Variants in NAALADL1 observed in about 807,000 individuals in gnomAD.
The protein encoded by NAALADL1 is N-acetylated alpha-linked acidic dipeptidase like 1.
Under a neutral mutation model 82.8 loss-of-function variants are expected in NAALADL1, and 77 were observed. The ratio of observed to expected loss-of-function variants is 0.93; its 90% CI spans 0.77 to 1.12. The LOEUF (loss-of-function observed/expected upper bound fraction) is 1.12, where lower values mean the gene tolerates loss of function less well. Ranked by LOEUF, NAALADL1 falls within the 50% of genes most tolerant of loss-of-function variation. The pLI is 0.00. For missense variants in NAALADL1, 956 were observed against 964.0 expected (o/e 0.99, Z 0.11); for synonymous variants, 358 against 399.2 (o/e 0.90, Z 1.23).
chr11:65,057,482 G>C lies in NAALADL1; in HGVS notation c.492C>G (p.Val164=). ...APSGTPQGLL[V]YANRGAEEDF... is the part of the protein sequence containing the mutation. ...CTTCTTCCGCGCCCCGGTTGGCATA[G>C]ACGAGGAGGCCCTAGTCCCAAGAGG... The change falls in exon 4 of 18, where the codon GTC becomes GTG. Residue 164 remains valine, a synonymous_variant. Coordinates refer to ENST00000358658, the MANE Select transcript of NAALADL1 (RefSeq NM_005468.3). 6.2e-7 allele frequency: 1 copy of C among 1,613,688 alleles called. No homozygotes were observed. Among genetic ancestry groups the C allele is most frequent in the African/African-American group, 1.3e-5 (1 of 75,048 alleles).
intron 13 of NAALADL1, among the ~76,000 whole-genome samples, 188 bp downstream of exon 13, chr11:65,047,287 A>G (rs1221205191): frequency 6.6e-6 from 1 of 152,108 alleles, no homozygotes; most frequent in East Asian, 1.9e-4. Flanking sequence ...CTGGCAACAA[A>G]GCAGGACTTC....
chr11:65,048,830 G>A (rs568929857), intron 8 of NAALADL1, among the ~76,000 whole-genome samples: 2 of 152,184 alleles, frequency 1.3e-5, no homozygotes, highest in Non-Finnish European at 2.9e-5. Context: ...GCTGAGAGAA[G>A]CTAAATGACT....
At chr11:65,060,147 T>TGC (rs1172846766), upstream of NAALADL1, among the ~76,000 whole-genome samples, 17 of 151,202 alleles carry the variant, frequency 1.1e-4, no homozygotes, top group African/African-American at 4.1e-4. Flanking sequence ...TGTGTGTGTG[T>TGC]GCACGTGCAT....
chr11:65,047,198 C>G (rs1946752781), intron 13 of NAALADL1, among the ~76,000 whole-genome samples: 1 of 152,070 alleles, frequency 6.6e-6, no homozygotes. Flanking sequence ...GGCCGGGCAC[C>G]AAGGCTCACA....
In NAALADL1 at chr11:65,048,082, C is replaced by T. The variant is rs2041678933; in HGVS notation, c.1349-34G>A. ...GGAGGGGAGAAAGACTATTTGGGCC[C>T]CAGCCCCTTCTTTTACCCACCCAGT... On this transcript the variant is annotated intron_variant, in intron 10 of 17. Transcript: ENST00000358658. 1.9e-6 allele frequency: 3 copies of T among 1,613,952 alleles called. No homozygotes were observed. In the African/African-American group the frequency reaches 4.0e-5, roughly 22 times the overall value.
In NAALADL1 at chr11:65,054,851, C is replaced by T; in HGVS notation, c.604-113G>A. ...CCAGGATAGACCAATCTTCCATGGGCAAGATGACGTTTGCACAAGTCATTT... is the reference window on the plus strand; with the variant it reads ...CCAGGATAGACCAATCTTCCATGGGTAAGATGACGTTTGCACAAGTCATTT... On this transcript the variant is annotated intron_variant, in intron 4 of 17. Coordinates refer to ENST00000358658, the MANE Select transcript of NAALADL1 (RefSeq NM_005468.3). The surrounding 1 kb of genome is among the most constrained non-coding windows in gnomAD (Gnocchi z 4.3). The T allele has an allele frequency of 7.3e-7, 1 of 1,366,990 alleles. No individual in the cohort carries two copies. The highest frequency in any genetic ancestry group is 9.8e-7 in the Non-Finnish European group (1 of 1,019,734). The allele number at this position is 1,366,990 out of a possible 1,614,324, so 84.7% of individuals were successfully genotyped here.
Position 65,053,084 on chromosome 11 carries a change from G to A in NAALADL1, c.1198+134C>T. ...CACTGGGCTGCTGCAGGCCAAGGCT[G>A]GTGTCATGCATGTCTGCCCCCAGGG... On this transcript the variant is annotated intron_variant, in intron 8 of 17. Coordinates refer to ENST00000358658, the MANE Select transcript of NAALADL1 (RefSeq NM_005468.3). The surrounding 1 kb of genome is among the most constrained non-coding windows in gnomAD (Gnocchi z 4.3). 1 of 1,146,010 alleles carries A rather than the reference G, an allele frequency of 8.7e-7. No homozygotes were observed. 71.0% of individuals were successfully genotyped at this position (1,146,010 alleles called of 1,614,324 possible).
chr11:65,054,609 C>T lies in NAALADL1; in HGVS notation c.733G>A (p.Glu245Lys), dbSNP rs1237821709. The change falls in exon 5 of 18, where the codon GAG becomes AAG. Residue 245 changes from glutamate (E) to lysine (K), a missense_variant. By Grantham distance (56) the Glu-to-Lys change is moderately conservative. Coordinates refer to ENST00000358658, the MANE Select transcript of NAALADL1 (RefSeq NM_005468.3). This position sits in a 1 kb window ranked among gnomAD's most constrained non-coding sequence, Gnocchi z 4.3. ...NSWYLPPSGVERGSYYEYFGD... is the reference protein window; with the variant it reads ...NSWYLPPSGVKRGSYYEYFGD... ...AAATACTCGTAGTAGGAGCCTCGCT[C>T]CACTCCTGAGGGGGGCAGGTACCAG... 1 of 1,613,776 alleles carries T rather than the reference C, an allele frequency of 6.2e-7. No homozygotes were observed. Among genetic ancestry groups the T allele is most frequent in the African/African-American group, 1.3e-5 (1 of 74,890 alleles).
chr11:65,046,634 T>C (rs1946739106), intron 13 of NAALADL1, 108 bp from the exon 14 acceptor site: 2 of 1,107,208 alleles, frequency 1.8e-6, no homozygotes, highest in Admixed American at 2.0e-5. Flanking sequence ...ATCTTGGCCA[T>C]GTCTGTGAGG....
At chr11:65,052,903 C>T (rs1016538462) in intron 8 of NAALADL1, among the ~76,000 whole-genome samples, 22 of 152,246 alleles carry the variant, frequency 1.4e-4, no homozygotes, top group Admixed American at 1.3e-3. Context: ...AGTTAACAAT[C>T]GGCTGCCGTC....
At chr11:65,057,338 C>A in intron 4 of NAALADL1, 33 bp downstream of exon 4, 2 of 1,575,060 alleles carry the variant, frequency 1.3e-6, no homozygotes, top group South Asian at 2.3e-5. Flanking sequence ...CCTTCCTCAC[C>A]GAGGCCTCCT....
In NAALADL1 at chr11:65,048,311, C is replaced by A. The variant is rs1946795764; in HGVS notation, c.1273G>T (p.Glu425Ter). Reference protein sequence around the residue: ...AEEFGLIGSTEFTEEFFNKLQ... With the variant: ...AEEFGLIGST ...GTAGGGCCACTCACTTCTGTGAATT[C>A]CGTGGAGCCAATGAGCCCAAACTCC... Residue 425 changes from glutamate to a stop codon, truncating the protein, a stop_gained, in exon 9 of 18, where the codon GAA becomes TAA. Transcript: ENST00000358658. LOFTEE classifies it high-confidence loss of function. The A allele has an allele frequency of 6.2e-7, 1 of 1,614,080 alleles. No individual in the cohort carries two copies. Among genetic ancestry groups the A allele is most frequent in the Non-Finnish European group, 8.5e-7 (1 of 1,180,040 alleles).
chr11:65,048,126 C>T (rs1946787974), intron 10 of NAALADL1, 26 bp downstream of exon 10: 1 of 1,614,036 alleles, frequency 6.2e-7, no homozygotes, highest in Admixed American at 1.7e-5. Flanking sequence ...CGTCTCCTCC[C>T]CTTTCCTGCC....
chr11:65,053,068 G>T lies in NAALADL1; in HGVS notation c.1198+150C>A. 2 of 1,012,870 alleles carry T rather than the reference G, an allele frequency of 2.0e-6. No homozygotes were observed. The highest frequency in any genetic ancestry group is 2.8e-6 in the Non-Finnish European group (2 of 709,568). 62.7% of individuals were successfully genotyped at this position (1,012,870 alleles called of 1,614,324 possible). A position where few individuals can be genotyped will look rare whatever the true frequency, so the allele number is the denominator to read the frequency against. ...TCTATTCCCTGTACCACACTGGGCTGCTGCAGGCCAAGGCTGGTGTCATGC... is the reference window on the plus strand; with the variant it reads ...TCTATTCCCTGTACCACACTGGGCTTCTGCAGGCCAAGGCTGGTGTCATGC... On this transcript the variant is annotated intron_variant, in intron 8 of 17. Coordinates refer to ENST00000358658, the MANE Select transcript of NAALADL1 (RefSeq NM_005468.3). The surrounding 1 kb of genome is among the most constrained non-coding windows in gnomAD (Gnocchi z 4.3).
rs1242353277 is a variant in NAALADL1 at position 65,047,690 on chromosome 11, G to C, written c.1465C>G (p.Arg489Gly). 6.2e-7 allele frequency: 1 copy of C among 1,608,276 alleles called. No individual in the cohort carries two copies. The highest frequency in any genetic ancestry group is 1.7e-5 in the Admixed American group (1 of 59,080). The part of the protein sequence containing the change: ...GDLSIYDNWI[R>G]YFNRSSPVYG... ...ACCGGGCTGCTGCGGTTGAAGTACC[G>C]GATCCAGTTGTCGTAGATGCTCAGG... is the stretch of plus-strand genomic sequence containing the variant. The change falls in exon 12 of 18, where the codon CGG becomes GGG. Residue 489 changes from arginine (R) to glycine (G), a missense_variant. Physicochemically the swap from Arg to Gly is moderately radical, Grantham distance 125. Transcript: ENST00000358658.
chr11:65,048,222 G>A lies in NAALADL1; in HGVS notation c.1285-7C>T. 1 of 1,613,840 alleles carries A rather than the reference G, an allele frequency of 6.2e-7. No homozygotes were observed. The highest frequency in any genetic ancestry group is 8.5e-7 in the Non-Finnish European group (1 of 1,179,970). The stretch of plus-strand genomic sequence containing the variant: ...GCAGCTTGTTGAAGAACTCCTGCGG[G>A]TGCGAGGGGCGACGTCAGCCCCGCG... On this transcript the variant is annotated splice_polypyrimidine_tract_variant and splice_region_variant and intron_variant, in intron 9 of 17. Coordinates refer to ENST00000358658, the MANE Select transcript of NAALADL1 (RefSeq NM_005468.3).
chr11:65,057,552 G>A (rs972977813), intron 3 of NAALADL1, 59 bp from the exon 4 acceptor site: 1 of 1,564,676 alleles, frequency 6.4e-7, no homozygotes, highest in South Asian at 1.2e-5. Context: ...GGTGGGGAAG[G>A]GGGGTGGAAG....
intron 8 of NAALADL1, among the ~76,000 whole-genome samples, chr11:65,050,839 A>G (rs1946867359): frequency 6.6e-6 from 1 of 152,182 alleles, no homozygotes; most frequent in African/African-American, 2.4e-5. Context: ...TAGTTATATT[A>G]TAAATAGCCA....
chr11:65,059,082 G>A (rs972254439), upstream of NAALADL1, among the ~76,000 whole-genome samples: 30 of 150,768 alleles, frequency 2.0e-4, no homozygotes, highest in South Asian at 4.2e-4. Flanking sequence ...GTGTGATCTC[G>A]GCTCACTGCA....
Sources: gnomAD v4.1 joint callset for allele counts (sites outside exome capture counted in the v4.1 genomes callset) on GRCh38, gnomAD v4.1.1 for gene constraint, Gnocchi (gnomAD v3.1) non-coding constraint, MANE v1.5 for transcripts, NCBI Gene and HGNC (gene_info 2026-07-23, HGNC 2026-07-21) for gene names.